The following U2AF1L4 variants were observed in gnomAD, a reference collection of about 807,000 sequenced individuals.
U2AF1L4 encodes splicing factor U2AF 26 kDa subunit.
In U2AF1L4, 21 loss-of-function variants were observed where a neutral mutation model predicts 21.7. The ratio of observed to expected loss-of-function variants is 0.97; its 90% CI spans 0.69 to 1.39. The LOEUF is 1.39. Ranked by LOEUF, U2AF1L4 falls within the 40% of genes most tolerant of loss-of-function variation. U2AF1L4 has a pLI of 0.00. For synonymous variants in U2AF1L4, 92 were observed against 89.7 expected, an observed-to-expected ratio of 1.03 and a Z score of -0.15; for missense variants, 259 against 245.7, an observed-to-expected ratio of 1.05 and a Z score of -0.36.
Position 35,743,830 on chromosome 19 carries a change from T to A in U2AF1L4, c.440A>T (p.Tyr147Phe), listed in dbSNP as rs761560742. The change falls in exon 5 of 6, where the codon TAT (tyrosine) becomes TTT (phenylalanine). Residue 147 changes from tyrosine to phenylalanine, a missense_variant. Transcript: ENST00000378975. ...GTACCTGCGCCTGGGTCCCCGCCCA[T>A]AGAGCTGCCTCTGGAGGTTCTGGGA... ...PISQNLQRQLYGRGPRRRSPP... is the reference protein window; with the variant it reads ...PISQNLQRQLFGRGPRRRSPP... 1 of 1,612,306 alleles carries A rather than the reference T, an allele frequency of 6.2e-7. No homozygotes were observed.
Position 35,742,780 on chromosome 19 carries a change from C to T in U2AF1L4, c.485G>A (p.Gly162Asp), listed in dbSNP as rs1970323096. The T allele has an allele frequency of 6.2e-7, 1 of 1,610,738 alleles. No homozygotes were observed. Among genetic ancestry groups the T allele is most frequent in the Non-Finnish European group, 8.5e-7 (1 of 1,179,440 alleles). Reference protein sequence around the residue: ...RRRSPPRFHTGHHPRERNHRC... With the variant: ...RRRSPPRFHTDHHPRERNHRC... ...ATGGTTCCTCTCTCGGGGATGGTGG[C>T]CAGTATGGAACCTCGGGGGTGACCT... Residue 162 changes from glycine (G) to aspartate (D), a missense_variant, in exon 6 of 6, where the codon GGC becomes GAC. Coordinates refer to ENST00000378975, the MANE Select transcript of U2AF1L4 (RefSeq NM_001040425.3).
At position 35,744,137 on chromosome 19, in the gene U2AF1L4, C is replaced by T. The variant is rs1404608408; in HGVS notation, c.240G>A (p.Arg80=). ...LVGNVYVKFR[R]EEDGERAVAE... Reference sequence around the variant, plus strand: ...CCACGGCCCGCTCTCCATCCTCCTCCCTCCGGAACTGCAGGAAATGTCAGT... The same window carrying T: ...CCACGGCCCGCTCTCCATCCTCCTCTCTCCGGAACTGCAGGAAATGTCAGT... The change falls in exon 4 of 6, where the codon AGG becomes AGA. Residue 80 remains arginine (R), a synonymous_variant. Transcript: ENST00000378975. 3 of 1,613,678 alleles carry T rather than the reference C, an allele frequency of 1.9e-6. No homozygotes were observed. The African/African-American group carries it at 4.0e-5, about 22-fold the overall frequency.
chr19:35,745,026 G>T, intron 2 of U2AF1L4, 99 bp downstream of exon 2: 1 of 1,200,350 alleles, frequency 8.3e-7, no homozygotes, highest in East Asian at 2.4e-5. Context: ...GGTGGGGAGG[G>T]ACTCAGGAAC....
rs1341326385 is a variant in U2AF1L4 at position 35,744,305 on chromosome 19, G to A, written c.231+18C>T. Reference sequence around the variant, plus strand: ...AAACGCCTCCACTTCTGGGCCCTAAGTGGGGGGCAGCAAGCACCTTGACAT... The same window carrying A: ...AAACGCCTCCACTTCTGGGCCCTAAATGGGGGGCAGCAAGCACCTTGACAT... On this transcript the variant is annotated intron_variant, in intron 3 of 5. Transcript: ENST00000378975. 1 of 1,613,816 alleles carries A rather than the reference G, an allele frequency of 6.2e-7. No homozygotes were observed. The highest frequency in any genetic ancestry group is 1.7e-5 in the Admixed American group (1 of 60,024).
intron 5 of U2AF1L4, 122 bp from the exon 6 acceptor site, chr19:35,742,925 C>T (rs62109455): frequency 0.042 from 38,902 of 931,574 alleles, 1,020 homozygotes; most frequent in Middle Eastern, 0.073. Flanking sequence ...AGTTCTAAGA[C>T]ACGACCTCAG....
intron 5 of U2AF1L4, 142 bp from the exon 6 acceptor site, chr19:35,742,945 T>G: frequency 1.3e-6 from 1 of 768,798 alleles, no homozygotes; most frequent in Non-Finnish European, 2.1e-6. Context: ...GTGGCCAGTA[T>G]CAGGGGAACT....
Position 35,742,601 on chromosome 19 carries a change from C to T in U2AF1L4, c.*118G>A, listed in dbSNP as rs763187339. The T allele has an allele frequency of 1.7e-5, 28 of 1,613,876 alleles. No homozygotes were observed. In the South Asian group the frequency reaches 2.7e-4, roughly 16 times the overall value. The stretch of plus-strand genomic sequence containing the variant: ...GAAGGTCTCCATGCTGAACAGATTA[C>T]ATTATGGAGCCCGGGAGCCTGGGAA... On this transcript the variant is annotated 3_prime_UTR_variant, in exon 6 of 6. Coordinates refer to ENST00000378975, the MANE Select transcript of U2AF1L4 (RefSeq NM_001040425.3).
rs767220983 is a variant in U2AF1L4, at chr19:35,743,833, A to G, written c.437T>C (p.Leu146Pro). ...CCTGCGCCTGGGTCCCCGCCCATAG[A>G]GCTGCCTCTGGAGGTTCTGGGAAAT... ...RPISQNLQRQ[L>P]YGRGPRRRSP... is the part of the protein sequence containing the mutation. Residue 146 changes from leucine to proline, a missense_variant, in exon 5 of 6, where the codon CTC becomes CCC. Leu to Pro is a moderately conservative substitution (Grantham distance 98). Coordinates refer to ENST00000378975, the MANE Select transcript of U2AF1L4 (RefSeq NM_001040425.3). The G allele has an allele frequency of 6.2e-7, 1 of 1,612,940 alleles. No individual in the cohort carries two copies. Among genetic ancestry groups the G allele is most frequent in the Non-Finnish European group, 8.5e-7 (1 of 1,179,496 alleles).
At position 35,742,564 on chromosome 19, in the gene U2AF1L4, G is replaced by A. The variant is rs1970304958; in HGVS notation, c.*155C>T. On this transcript the variant is annotated 3_prime_UTR_variant, in exon 6 of 6. Transcript: ENST00000378975. ...TGAAACACGCAGCTTTATTAAGACA[G>A]GGGCGGTAGAAGAAGGTCTCCATGC... The A allele has an allele frequency of 6.2e-7, 1 of 1,613,406 alleles. No individual in the cohort carries two copies.
chr19:35,743,686 CAAAAAAAAAAA>C lies in U2AF1L4; in HGVS notation c.461+112_461+122del, dbSNP rs36076889. ...TGGGCAACAGAGTGAGGCTCCATCTCAAAAAAAAAAAAAAAAAAAAAAGATTCTTGGGAACG... is the reference window on the plus strand; with the variant it reads ...TGGGCAACAGAGTGAGGCTCCATCTCAAAAAAAAAAAGATTCTTGGGAACG... On this transcript the variant is annotated intron_variant, in intron 5 of 5. Coordinates refer to ENST00000378975, the MANE Select transcript of U2AF1L4 (RefSeq NM_001040425.3). 1.4e-5 allele frequency: 7 copies of C among 495,190 alleles called. No individual in the cohort carries two copies. In the African/African-American group the frequency reaches 2.3e-4, roughly 16 times the overall value. 30.7% of individuals were successfully genotyped at this position (495,190 alleles called of 1,614,324 possible). A position where few individuals can be genotyped will look rare whatever the true frequency, so the allele number is the denominator to read the frequency against.
rs1466314883 is a variant in U2AF1L4, at chr19:35,744,025, G to A, written c.352C>T (p.Gln118Ter). 2 of 1,613,940 alleles carry A rather than the reference G, an allele frequency of 1.2e-6. No individual in the cohort carries two copies. Among genetic ancestry groups the A allele is most frequent in the Non-Finnish European group, 1.7e-6 (2 of 1,180,000 alleles). ...GAACTACCATACCCCATCTCATACT[G>A]GCGACAGCATGACTCCCGGAAGTCA... ...VTDFRESCCR[Q>*]YEMGECTRGG... The change falls in exon 4 of 6, where the codon CAG becomes TAG. Residue 118 changes from glutamine (Q) to a stop codon, truncating the protein, a stop_gained. Transcript: ENST00000378975. LOFTEE classifies it high-confidence loss of function.
At chr19:35,743,686 CAAAAA>C (rs36076889) in intron 5 of U2AF1L4, 118 bp downstream of exon 5, 835 of 492,724 alleles carry the variant, frequency 1.7e-3, no homozygotes, top group Middle Eastern at 3.2e-3. Context: ...GGCTCCATCT[CAAAAA>C]AAAAAAAAAA....
At chr19:35,743,731 G>A (rs763842966) in intron 5 of U2AF1L4, 78 bp downstream of exon 5, 1 of 1,202,550 alleles carries the variant, frequency 8.3e-7, no homozygotes. Context: ...CGTGGTTACT[G>A]GGGCTTAGGG....
chr19:35,744,555 G>C, intron 2 of U2AF1L4, 134 bp from the exon 3 acceptor site: 1 of 1,568,772 alleles, frequency 6.4e-7, no homozygotes, highest in Non-Finnish European at 8.6e-7. Flanking sequence ...GGTGGGGGCG[G>C]GCAGGGTGGA....
chr19:35,744,084 C>T lies in U2AF1L4; in HGVS notation c.293G>A (p.Gly98Glu), dbSNP rs1331565541. The T allele has an allele frequency of 6.2e-7, 1 of 1,614,036 alleles. No homozygotes were observed. Among genetic ancestry groups the T allele is most frequent in the East Asian group, 2.2e-5 (1 of 44,894 alleles). The change falls in exon 4 of 6, where the codon GGG (glycine) becomes GAG (glutamate). Residue 98 changes from glycine to glutamate, a missense_variant. Gly to Glu is a moderately conservative substitution (Grantham distance 98). Transcript: ENST00000378975. ...AGACAGCTCACCGTGCACAGCCTGC[C>T]CGTTGAACCAGCGGTTACTGAGTTC... ...VAELSNRWFNGQAVHGELSPV... is the reference protein window; with the variant it reads ...VAELSNRWFNEQAVHGELSPV...
At chr19:35,744,491 C>T (rs1361862775) in intron 2 of U2AF1L4, 70 bp from the exon 3 acceptor site, 61 of 1,612,570 alleles carry the variant, frequency 3.8e-5, no homozygotes, top group Non-Finnish European at 4.9e-5. Flanking sequence ...CAACCCTCAC[C>T]TCGAAGAAGC....
intron 5 of U2AF1L4, 21 bp downstream of exon 5, chr19:35,743,788 A>G: frequency 6.3e-7 from 1 of 1,597,914 alleles, no homozygotes; most frequent in Non-Finnish European, 8.5e-7. Flanking sequence ...GAGGAGACAT[A>G]GCAGGCTGGT....
chr19:35,745,058 G>A (rs1360158122), intron 2 of U2AF1L4, 67 bp downstream of exon 2: 24 of 1,500,992 alleles, frequency 1.6e-5, no homozygotes, highest in Non-Finnish European at 2.2e-5. Flanking sequence ...GGGACATGGT[G>A]ACGACGGCCC....
At chr19:35,745,252 G>T in intron 1 of U2AF1L4, 40 bp from the exon 2 acceptor site, 1 of 1,608,902 alleles carries the variant, frequency 6.2e-7, no homozygotes. Context: ...CGAGGGCCGG[G>T]GAAGCTGGGC....
Sources: allele counts gnomAD v4.1 joint callset, GRCh38; gene constraint gnomAD v4.1.1; transcripts MANE v1.5; gene names NCBI Gene and HGNC (gene_info 2026-07-23, HGNC 2026-07-21).